ZSWIM6: variants seen among roughly 807,000 people sequenced by gnomAD.
ZSWIM6 encodes zinc finger SWIM domain-containing protein 6.
Under a neutral mutation model 113.2 loss-of-function variants are expected in ZSWIM6, and 9 were observed. The ratio of observed to expected loss-of-function variants is 0.08; its 90% CI spans 0.05 to 0.14. The LOEUF is 0.14. Among genes scored for constraint, ZSWIM6 ranks in the 10% least tolerant of loss-of-function variants. The pLI is 1.00. For synonymous variants in ZSWIM6, 611 were observed against 606.5 expected (o/e 1.01, Z -0.11); for missense variants, 1,162 against 1,552.2 (o/e 0.75, Z 4.22).
At chr5:61,438,227 A>G (rs1202479971) in intron 1 of ZSWIM6, among the ~76,000 whole-genome samples, 1 of 152,226 alleles carries the variant, frequency 6.6e-6, no homozygotes, top group African/African-American at 2.4e-5. Flanking sequence ...GATGAAAGAT[A>G]GTCATGTTCG....
At chr5:61,534,825 AG>A (rs1749533203) in intron 9 of ZSWIM6, among the ~76,000 whole-genome samples, 1 of 152,192 alleles carries the variant, frequency 6.6e-6, no homozygotes, top group African/African-American at 2.4e-5. Flanking sequence ...GGCTTTCAGG[AG>A]CCCAAAGAAT....
At chr5:61,445,786 A>T (rs1746937692) in intron 1 of ZSWIM6, among the ~76,000 whole-genome samples, 1 of 152,210 alleles carries the variant, frequency 6.6e-6, no homozygotes, top group Non-Finnish European at 1.5e-5. Context: ...AGTAAATAGA[A>T]AATGAACCCC....
chr5:61,411,558 T>C (rs1269205731), intron 1 of ZSWIM6, among the ~76,000 whole-genome samples: 1 of 152,252 alleles, frequency 6.6e-6, no homozygotes, highest in African/African-American at 2.4e-5. Context: ...GTCTTCAATG[T>C]GTTAATCCAC....
chr5:61,452,294 T>G (rs778882129), intron 1 of ZSWIM6, among the ~76,000 whole-genome samples: 2 of 152,228 alleles, frequency 1.3e-5, no homozygotes, highest in Non-Finnish European at 2.9e-5. Context: ...TATAGTATTC[T>G]ATATGAATAT....
intron 1 of ZSWIM6, among the ~76,000 whole-genome samples, chr5:61,383,707 C>T (rs1008057997): frequency 1.1e-4 from 17 of 151,654 alleles, no homozygotes; most frequent in Admixed American, 3.3e-4. Flanking sequence ...CTACCACGTC[C>T]AGCTAATTTT....
At chr5:61,333,009 G>GGCCCC in intron 1 of ZSWIM6, 61 bp downstream of exon 1, 1 of 439,890 alleles carries the variant, frequency 2.3e-6, no homozygotes, top group Non-Finnish European at 3.2e-6. Flanking sequence ...TGGGGGGGGG[G>GGCCCC]TGCCCGCCTT....
At chr5:61,491,462 TTAGC>T (rs1748173625) in intron 3 of ZSWIM6, among the ~76,000 whole-genome samples, 2 of 152,020 alleles carry the variant, frequency 1.3e-5, no homozygotes, top group Non-Finnish European at 2.9e-5. Flanking sequence ...ATTCAGAAAA[TTAGC>T]TAATAATAAC....
At chr5:61,491,558 ATAATT>A (rs796381391) in intron 3 of ZSWIM6, among the ~76,000 whole-genome samples, 20 of 152,222 alleles carry the variant, frequency 1.3e-4, no homozygotes, top group African/African-American at 3.6e-4. Context: ...TGATGGCTCA[ATAATT>A]TAATTTATCT....
intron 5 of ZSWIM6, among the ~76,000 whole-genome samples, chr5:61,521,707 C>T (rs1749130715): frequency 6.6e-6 from 1 of 151,812 alleles, no homozygotes; most frequent in Non-Finnish European, 1.5e-5. Context: ...GTTAAAATGG[C>T]CTATTAATGA....
chr5:61,417,769 C>T (rs942218969), intron 1 of ZSWIM6, among the ~76,000 whole-genome samples: 2 of 152,118 alleles, frequency 1.3e-5, no homozygotes, highest in Non-Finnish European at 2.9e-5. Context: ...CTGATATACT[C>T]AAGAGTTTTG....
At chr5:61,378,297 A>G (rs1745410991) in intron 1 of ZSWIM6, among the ~76,000 whole-genome samples, 1 of 152,244 alleles carries the variant, frequency 6.6e-6, no homozygotes, top group Admixed American at 6.5e-5. Context: ...ATGGAGTAGC[A>G]TGTAGTTATT....
rs186986357 is a variant in ZSWIM6, at chr5:61,444,741, A to T, written c.677-27940A>T. 2.7e-3 allele frequency among the ~76,000 whole-genome samples: 414 copies of T among 152,242 alleles called. 2 individuals carry two copies. Among genetic ancestry groups the T allele is most frequent in the African/African-American group, 9.8e-3 (406 of 41,546 alleles). On this transcript the variant is annotated intron_variant, in intron 1 of 13. Transcript: ENST00000252744. Reference sequence around the variant, plus strand: ...CTTTTTAAGTAACCTATTCCCTCAAAATCAGCCCTTACAATCTCAAGTACC... The same window carrying T: ...CTTTTTAAGTAACCTATTCCCTCAATATCAGCCCTTACAATCTCAAGTACC...
chr5:61,344,979 T>C (rs1378091407), intron 1 of ZSWIM6, among the ~76,000 whole-genome samples: 1 of 152,204 alleles, frequency 6.6e-6, no homozygotes, highest in Non-Finnish European at 1.5e-5. Context: ...TAATGTATAG[T>C]TTATTTTAGG....
intron 1 of ZSWIM6, among the ~76,000 whole-genome samples, chr5:61,430,201 T>C (rs1209563740): frequency 6.6e-6 from 1 of 151,472 alleles, no homozygotes; most frequent in African/African-American, 2.4e-5. Flanking sequence ...AGGTGGGAGG[T>C]GGCCTGAGGA....
chr5:61,496,970 C>G (rs1455290475), intron 4 of ZSWIM6, among the ~76,000 whole-genome samples: 2 of 152,088 alleles, frequency 1.3e-5, no homozygotes, highest in Non-Finnish European at 2.9e-5. Context: ...ATAATTGGAG[C>G]AGCTACTGTT....
chr5:61,333,986 C>T (rs1214359012), intron 1 of ZSWIM6, among the ~76,000 whole-genome samples: 2 of 152,212 alleles, frequency 1.3e-5, no homozygotes, highest in Non-Finnish European at 2.9e-5. Flanking sequence ...CGGCACGACC[C>T]AGCACTTTGT....
intron 4 of ZSWIM6, among the ~76,000 whole-genome samples, chr5:61,514,904 C>G (rs568375922): frequency 6.6e-6 from 1 of 152,068 alleles, no homozygotes; most frequent in Admixed American, 6.6e-5. Context: ...GGAACCCTTC[C>G]CTCCTCTTCC....
chr5:61,519,217 T>C (rs1749044598), intron 4 of ZSWIM6, among the ~76,000 whole-genome samples: 1 of 152,232 alleles, frequency 6.6e-6, no homozygotes, highest in Non-Finnish European at 1.5e-5. Context: ...ACCTTGGTTA[T>C]GCTGCCTTGG....
chr5:61,492,519 G>A (rs1233990552), intron 3 of ZSWIM6, among the ~76,000 whole-genome samples: 1 of 152,064 alleles, frequency 6.6e-6, no homozygotes, highest in Non-Finnish European at 1.5e-5. Flanking sequence ...ATAAAATGGG[G>A]ATTATAATCT....
Sources: gnomAD v4.1 joint callset for allele counts (sites outside exome capture counted in the v4.1 genomes callset) on GRCh38, gnomAD v4.1.1 for gene constraint, MANE v1.5 for transcripts, NCBI Gene and HGNC (gene_info 2026-07-23, HGNC 2026-07-21) for gene names.